ABCA9: variants seen among roughly 807,000 people sequenced by gnomAD.
The protein encoded by ABCA9 is ATP-binding cassette sub-family A member 9.
In ABCA9, 183 loss-of-function variants were observed where a neutral mutation model predicts 205.3. The observed-to-expected ratio is 0.89, with a 90% CI of 0.79 to 1.01. The LOEUF is 1.01. ABCA9 is among the 50% of genes least tolerant of loss of function. The pLI, the probability that ABCA9 is intolerant of heterozygous loss-of-function variation, is 0.00. For missense variants in ABCA9, 1,805 were observed against 1,912.4 expected, an observed-to-expected ratio of 0.94 and a Z score of 1.05; for synonymous variants, 651 against 683.3, an observed-to-expected ratio of 0.95 and a Z score of 0.74.
intron 18 of ABCA9, 144 bp from the exon 19 acceptor site, chr17:69,020,730 G>C: frequency 3.2e-6 from 2 of 617,536 alleles, no homozygotes. Context: ...CATTATTAGA[G>C]CAACTATTGA....
rs183950227 is a variant in ABCA9 at position 68,974,590 on chromosome 17, G to C, written c.*1325C>G. On this transcript the variant is annotated 3_prime_UTR_variant, in exon 39 of 39. Transcript: ENST00000340001. ...ACAACTTCCTTCAAGTATTCAATTA[G>C]ATAGCAATAATAATAGTATTAACAA... 6.6e-6 allele frequency: 1 copy of C among 152,222 alleles called. No homozygotes were observed. The highest frequency in any genetic ancestry group is 6.5e-5 in the Admixed American group (1 of 15,288). 9.4% of individuals were successfully genotyped at this position (152,222 alleles called of 1,614,324 possible).
intron 19 of ABCA9, among the ~76,000 whole-genome samples, chr17:69,019,428 T>A (rs2070742215): frequency 6.6e-6 from 1 of 152,194 alleles, no homozygotes; most frequent in Non-Finnish European, 1.5e-5. Flanking sequence ...GTTCTTTAGA[T>A]TTCTCATGTA....
Position 69,016,197 on chromosome 17 carries a change from G to T in ABCA9, c.3039+56C>A, listed in dbSNP as rs1420885816. 36 of 1,351,542 alleles carry T rather than the reference G, an allele frequency of 2.7e-5. No individual in the cohort carries two copies. In the East Asian group the frequency reaches 7.9e-4, roughly 30 times the overall value. The allele number at this position is 1,351,542 out of a possible 1,614,324, so 83.7% of individuals were successfully genotyped here. The stretch of plus-strand genomic sequence containing the variant: ...ATATAACATTATTTTAGCATTTCAA[G>T]AATTTTCTTGAAAACTTATCATGGC... On this transcript the variant is annotated intron_variant, in intron 22 of 38. Coordinates refer to ENST00000340001, the MANE Select transcript of ABCA9 (RefSeq NM_080283.4).
Position 68,983,818 on chromosome 17 carries a change from T to G in ABCA9, c.4531A>C (p.Lys1511Gln), listed in dbSNP as rs2069140915. Residue 1511 changes from lysine to glutamine, a missense_variant, in exon 36 of 39, where the codon AAA (lysine) becomes CAA (glutamine). Lys to Gln is a moderately conservative substitution (Grantham distance 53). Transcript: ENST00000340001. ...TCCAGCAGGTAGTCTTTGCCAAATT[T>G]GCTTTTCAGGTGTTGGATGGAACCA... Reference protein sequence around the residue: ...CIGSIQHLKSKFGKDYLLEMK... With the variant: ...CIGSIQHLKSQFGKDYLLEMK... 1 of 1,614,082 alleles carries G rather than the reference T, an allele frequency of 6.2e-7. No homozygotes were observed. The highest frequency in any genetic ancestry group is 1.3e-5 in the African/African-American group (1 of 74,928).
At chr17:69,044,363 T>G (rs2071642289) in intron 5 of ABCA9, 134 bp downstream of exon 5, 2 of 738,490 alleles carry the variant, frequency 2.7e-6, no homozygotes, top group African/African-American at 1.8e-5. Context: ...TACAATGGTT[T>G]TATTATGGAA....
chr17:69,002,935 G>A (rs1007885805), intron 25 of ABCA9, among the ~76,000 whole-genome samples: 1 of 143,544 alleles, frequency 7.0e-6, no homozygotes. Context: ...GACTAGGATT[G>A]CAACCCCTGC....
At chr17:68,988,910 C>A in intron 31 of ABCA9, 117 bp downstream of exon 31, 2 of 634,718 alleles carry the variant, frequency 3.2e-6, no homozygotes, top group South Asian at 2.7e-5. Context: ...AATCAATCTT[C>A]TTTATTCAAT....
At chr17:69,018,794 A>T (rs1359736119) in intron 19 of ABCA9, among the ~76,000 whole-genome samples, 1 of 152,074 alleles carries the variant, frequency 6.6e-6, no homozygotes, top group Non-Finnish European at 1.5e-5. Flanking sequence ...CAAGCAGGAC[A>T]CCTTGGCTTC....
At chr17:69,073,471 G>C in the ABCA9 span, among the ~76,000 whole-genome samples, 1 of 152,224 alleles carries the variant, frequency 6.6e-6, no homozygotes, top group African/African-American at 2.4e-5. Flanking sequence ...ACAACTACAT[G>C]GAAACTGAAC....
rs1167147178 is a variant in ABCA9, at chr17:69,023,854, C to T, written c.2281+360G>A. On this transcript the variant is annotated intron_variant, in intron 17 of 38. Transcript: ENST00000340001. The surrounding 1 kb of genome is among the most constrained non-coding windows in gnomAD (Gnocchi z 4.2). ...GTGTACAATTCTTTCAGCTCTTCTT[C>T]GATAGTCTGCCACTGTATTTATATA... Among the ~76,000 whole-genome samples the T allele has an allele frequency of 2.0e-5, 3 of 148,372 alleles. No homozygotes were observed. The highest frequency in any genetic ancestry group is 6.6e-5 in the Admixed American group (1 of 15,104).
At chr17:69,015,702 A>G (rs2070566396) in intron 22 of ABCA9, among the ~76,000 whole-genome samples, 1 of 152,140 alleles carries the variant, frequency 6.6e-6, no homozygotes, top group Admixed American at 6.5e-5. Flanking sequence ...AGGTGCTCAC[A>G]TTGCCTCATT....
At chr17:69,069,171 C>T in the ABCA9 span, among the ~76,000 whole-genome samples, 1 of 152,166 alleles carries the variant, frequency 6.6e-6, no homozygotes, top group Non-Finnish European at 1.5e-5. Flanking sequence ...TTGGACCCAT[C>T]AGAGATTGAG....
At chr17:69,074,931 A>G in the ABCA9 span, among the ~76,000 whole-genome samples, 1 of 152,146 alleles carries the variant, frequency 6.6e-6, no homozygotes, top group South Asian at 2.1e-4. Flanking sequence ...ATTTCTTAAT[A>G]ATAACAATTC....
intron 6 of ABCA9, among the ~76,000 whole-genome samples, chr17:69,040,471 G>A (rs759785415): frequency 3.9e-5 from 6 of 152,114 alleles, no homozygotes; most frequent in Non-Finnish European, 7.4e-5. Flanking sequence ...ACCAAACACC[G>A]CATGTTCTCA....
At chr17:69,025,754 A>AGAC (rs1240195259) in intron 16 of ABCA9, among the ~76,000 whole-genome samples, 1 of 152,194 alleles carries the variant, frequency 6.6e-6, no homozygotes, top group African/African-American at 2.4e-5. Flanking sequence ...TTTGAAACAA[A>AGAC]GACTATCATT....
At chr17:68,984,740 G>T in intron 34 of ABCA9, 145 bp downstream of exon 34, 1 of 1,079,340 alleles carries the variant, frequency 9.3e-7, no homozygotes, top group Non-Finnish European at 1.3e-6. Flanking sequence ...AGCTGGTTGT[G>T]ATTTGAAATC....
At chr17:68,976,109 A>G in intron 38 of ABCA9, 26 bp downstream of exon 38, 1 of 1,609,160 alleles carries the variant, frequency 6.2e-7, no homozygotes, top group Non-Finnish European at 8.5e-7. Flanking sequence ...TCCATGGATG[A>G]TATAGAATCA....
intron 8 of ABCA9, 146 bp from the exon 9 acceptor site, chr17:69,034,019 C>T: frequency 1.6e-6 from 1 of 628,120 alleles, no homozygotes; most frequent in Non-Finnish European, 2.6e-6. Flanking sequence ...TTATAGAAGA[C>T]AATTTTAATA....
Position 69,035,772 on chromosome 17 carries a change from A to C in ABCA9, c.830T>G (p.Phe277Cys). ...CATTAAAGTGGCCATGATAAGGATG[A>C]AGCCAGCATACATCAAACCCCAGGA... ...WLSWGLMYAG[F>C]ILIMATLMAL... is the part of the protein sequence containing the mutation. Residue 277 changes from phenylalanine to cysteine, a missense_variant, in exon 7 of 39, where the codon TTC becomes TGC. Physicochemically the swap from Phe to Cys is radical, Grantham distance 205. Transcript: ENST00000340001. The C allele has an allele frequency of 1.2e-6, 2 of 1,613,404 alleles. No individual in the cohort carries two copies. Among genetic ancestry groups the C allele is most frequent in the Non-Finnish European group, 1.7e-6 (2 of 1,179,552 alleles).
Sources: allele counts gnomAD v4.1 joint callset (sites outside exome capture counted in the v4.1 genomes callset), GRCh38; gene constraint gnomAD v4.1.1; non-coding constraint Gnocchi (gnomAD v3.1); transcripts MANE v1.5; gene names NCBI Gene and HGNC (gene_info 2026-07-23, HGNC 2026-07-21).